The following GPRC6A variants were observed in gnomAD, a reference collection of about 807,000 sequenced individuals.
GPRC6A encodes G protein-coupled receptor family C group 6 member A.
GPRC6A carries 54 observed loss-of-function variants against 47.0 expected under a neutral mutation model. That is an observed-to-expected ratio of 1.15 (90% CI 0.92 to 1.44). The LOEUF is 1.44. Among genes scored for constraint, GPRC6A ranks in the 40% most tolerant of loss-of-function variants. GPRC6A has a pLI of 0.00. For synonymous variants in GPRC6A, 347 were observed against 377.1 expected (o/e 0.92, Z 0.93); for missense variants, 1,112 against 1,105.5 (o/e 1.01, Z -0.08).
In GPRC6A at chr6:116,792,148, A is replaced by C. The variant is rs1393760330; in HGVS notation, c.2775T>G (p.Ser925Arg). 2 of 1,611,558 alleles carry C rather than the reference A, an allele frequency of 1.2e-6. No homozygotes were observed. The highest frequency in any genetic ancestry group is 1.7e-6 in the Non-Finnish European group (2 of 1,178,518). ...SKTLPRKRMSSI is the reference protein window; with the variant it reads ...SKTLPRKRMSRI ...GGCATCTCCTAAGGCTTATTCATAT[A>C]CTTGACATTCTTTTTCGAGGCAAAG... is the stretch of plus-strand genomic sequence containing the variant. The change falls in exon 6 of 6, where the codon AGT becomes AGG. Residue 925 changes from serine (S) to arginine (R), a missense_variant. Physicochemically the swap from Ser to Arg is moderately radical, Grantham distance 110 (BLOSUM62 -1). Transcript: ENST00000310357.
intron 1 of GPRC6A, among the ~76,000 whole-genome samples, chr6:116,817,043 A>C (rs972300991): frequency 6.6e-6 from 1 of 152,210 alleles, no homozygotes; most frequent in Non-Finnish European, 1.5e-5. Context: ...CCACAGCTCA[A>C]GGAGGCCTGC....
At chr6:116,813,418 C>G (rs1773093815) in intron 1 of GPRC6A, among the ~76,000 whole-genome samples, 1 of 152,060 alleles carries the variant, frequency 6.6e-6, no homozygotes, top group South Asian at 2.1e-4. Context: ...AGATATAGAC[C>G]AATGGAACAG....
At position 116,807,214 on chromosome 6, in the gene GPRC6A, TAGAC is replaced by T. The variant is rs754059468; in HGVS notation, c.499-12_499-9del. On this transcript the variant is annotated splice_polypyrimidine_tract_variant and intron_variant, in intron 2 of 5. Coordinates refer to ENST00000310357, the MANE Select transcript of GPRC6A (RefSeq NM_148963.4). Reference sequence around the variant, plus strand: ...AGTTGATTCATAACCCACCTGGAAATAGACAGAATATTTTAGTTATGGTGTTGAT... The same window carrying T: ...AGTTGATTCATAACCCACCTGGAAATAGAATATTTTAGTTATGGTGTTGAT... 19 of 1,554,882 alleles carry T rather than the reference TAGAC, an allele frequency of 1.2e-5. No homozygotes were observed. The highest frequency in any genetic ancestry group is 6.8e-5 in the Admixed American group (4 of 59,212).
chr6:116,806,231 T>C, intron 3 of GPRC6A, 139 bp downstream of exon 3: 1 of 616,910 alleles, frequency 1.6e-6, no homozygotes, highest in East Asian at 2.6e-5. Context: ...GAAATGCTGG[T>C]TATTTAAACA....
intron 5 of GPRC6A, among the ~76,000 whole-genome samples, chr6:116,794,418 T>G (rs1467618566): frequency 2.0e-5 from 3 of 152,124 alleles, no homozygotes; most frequent in African/African-American, 7.2e-5. Context: ...GTTAGAGAGA[T>G]AGAGAGGAAC....
chr6:116,792,396 T>A lies in GPRC6A; in HGVS notation c.2527A>T (p.Ile843Phe). The A allele has an allele frequency of 6.2e-7, 1 of 1,614,060 alleles. No homozygotes were observed. Among genetic ancestry groups the A allele is most frequent in the Non-Finnish European group, 8.5e-7 (1 of 1,179,956 alleles). The change falls in exon 6 of 6, where the codon ATT becomes TTT. Residue 843 changes from isoleucine (I) to phenylalanine (F), a missense_variant. Physicochemically the swap from Ile to Phe is conservative, Grantham distance 21 (BLOSUM62 0). Coordinates refer to ENST00000310357, the MANE Select transcript of GPRC6A (RefSeq NM_148963.4). ...TTGAGAAAGGCAGACTTTGTGTTAA[T>A]CTCTTGCTTACAAATAATAACATAG... ...KCYVIICKQE[I>F]NTKSAFLKMI...
Position 116,806,817 on chromosome 6 carries a change from A to G in GPRC6A, c.888T>C (p.Asn296=). ...AATTATCACTAGCAATCCACATCTT[A>G]TTTATATTCATTTCAATGGCTTTAT... ...LFNKAIEMNI[N]KMWIASDNWS... is the part of the protein sequence containing the mutation. Residue 296 remains asparagine (N), a synonymous_variant, in exon 3 of 6, where the codon AAT becomes AAC. Coordinates refer to ENST00000310357, the MANE Select transcript of GPRC6A (RefSeq NM_148963.4). The G allele has an allele frequency of 6.2e-7, 1 of 1,613,434 alleles. No individual in the cohort carries two copies. Among genetic ancestry groups the G allele is most frequent in the Non-Finnish European group, 8.5e-7 (1 of 1,179,654 alleles).
intron 1 of GPRC6A, among the ~76,000 whole-genome samples, chr6:116,818,265 TG>T (rs1316955067): frequency 2.0e-5 from 3 of 151,758 alleles, no homozygotes; most frequent in Admixed American, 6.6e-5. Context: ...CCGGGCGCGG[TG>T]GCTCACGCCT....
chr6:116,807,998 C>G (rs1276775951), intron 2 of GPRC6A, among the ~76,000 whole-genome samples: 1 of 143,914 alleles, frequency 6.9e-6, no homozygotes, highest in Non-Finnish European at 1.5e-5. Context: ...TTCGTTCCTT[C>G]TTTTTTTTTT....
intron 3 of GPRC6A, among the ~76,000 whole-genome samples, chr6:116,801,562 G>C (rs1260291244): frequency 6.6e-6 from 1 of 151,662 alleles, no homozygotes; most frequent in East Asian, 1.9e-4. Context: ...GCTTTTGTTG[G>C]GTATAAAATC....
intron 1 of GPRC6A, among the ~76,000 whole-genome samples, chr6:116,819,993 T>A (rs2114617047): frequency 6.7e-6 from 1 of 149,278 alleles, no homozygotes; most frequent in South Asian, 2.1e-4. Context: ...GAGAGAAGAA[T>A]CAAATAGATG....
intron 3 of GPRC6A, among the ~76,000 whole-genome samples, chr6:116,805,800 G>A (rs1348394104): frequency 6.6e-6 from 1 of 151,922 alleles, no homozygotes; most frequent in East Asian, 1.9e-4. Flanking sequence ...AGTCCTTTAC[G>A]TGTATACATA....
chr6:116,814,826 A>G (rs1013811989), intron 1 of GPRC6A, among the ~76,000 whole-genome samples: 1 of 152,220 alleles, frequency 6.6e-6, no homozygotes, highest in Non-Finnish European at 1.5e-5. Flanking sequence ...TATGCAACTT[A>G]CAAGAAATGC....
chr6:116,793,327 CG>C, intron 5 of GPRC6A, 77 bp from the exon 6 acceptor site: 1 of 1,014,998 alleles, frequency 9.9e-7, no homozygotes, highest in East Asian at 2.6e-5. Flanking sequence ...AAATGAGATT[CG>C]TCTTCTTTAA....
chr6:116,810,577 G>A (rs9489040), intron 1 of GPRC6A, among the ~76,000 whole-genome samples: 71,513 of 151,158 alleles, frequency 0.47, 17,587 homozygotes, highest in Middle Eastern at 0.6. Flanking sequence ...AAATATATTA[G>A]TAAGTTAAAC....
At chr6:116,796,133 A>G (rs1772481851) in intron 4 of GPRC6A, among the ~76,000 whole-genome samples, 1 of 152,138 alleles carries the variant, frequency 6.6e-6, no homozygotes, top group Admixed American at 6.6e-5. Context: ...AGAACTAAAG[A>G]AAATAATGAC....
chr6:116,809,694 TCTC>T (rs1266086831), intron 1 of GPRC6A, 77 bp from the exon 2 acceptor site: 8 of 961,862 alleles, frequency 8.3e-6, no homozygotes, highest in Non-Finnish European at 1.3e-5. Context: ...TTTGCCTACA[TCTC>T]CTCATAGCAA....
chr6:116,795,339 T>TTTACTTA (rs1251678611), intron 5 of GPRC6A, among the ~76,000 whole-genome samples: 2 of 152,152 alleles, frequency 1.3e-5, no homozygotes, highest in African/African-American at 4.8e-5. Flanking sequence ...TAATTCAACA[T>TTTACTTA]TTACTTATTT....
intron 1 of GPRC6A, among the ~76,000 whole-genome samples, chr6:116,821,240 C>T (rs913179468): frequency 6.6e-6 from 1 of 152,146 alleles, no homozygotes; most frequent in Admixed American, 6.5e-5. Flanking sequence ...ACATTCCATG[C>T]TCATGGGTAA....
Sources: gnomAD v4.1 joint callset for allele counts (sites outside exome capture counted in the v4.1 genomes callset) on GRCh38, gnomAD v4.1.1 for gene constraint, MANE v1.5 for transcripts, NCBI Gene and HGNC (gene_info 2026-07-23, HGNC 2026-07-21) for gene names.